Variants in MARK3 observed in about 807,000 individuals in gnomAD.
The protein encoded by MARK3 is microtubule affinity regulating kinase 3.
MARK3 carries 46 observed loss-of-function variants against 90.1 expected under a neutral mutation model. That is an observed-to-expected ratio of 0.51 (90% CI 0.40 to 0.65). The LOEUF is 0.65. MARK3 is among the 30% of genes least tolerant of loss of function. The pLI is 0.00. For synonymous variants in MARK3, 321 were observed against 332.6 expected, an observed-to-expected ratio of 0.97 and a Z score of 0.38; for missense variants, 818 against 947.2, an observed-to-expected ratio of 0.86 and a Z score of 1.79.
At chr14:103,387,837 A>G (rs2089930978) in intron 1 of MARK3, among the ~76,000 whole-genome samples, 1 of 152,194 alleles carries the variant, frequency 6.6e-6, no homozygotes, top group Admixed American at 6.5e-5. Context: ...GCAAAACCTT[A>G]CATTGAACCA....
In MARK3 at chr14:103,397,107, A is replaced by G. The variant is rs565218191; in HGVS notation, c.52-7969A>G. Among the ~76,000 whole-genome samples, 4 of 152,294 alleles carry G rather than the reference A, an allele frequency of 2.6e-5. No homozygotes were observed. In the South Asian group the frequency reaches 8.3e-4, roughly 32 times the overall value. ...GAGCTACTAGAAAATTGAAAATTAC[A>G]TATGTATGTCACATTATACACCTAT... On this transcript the variant is annotated intron_variant, in intron 1 of 17. Coordinates refer to ENST00000429436, the MANE Select transcript of MARK3 (RefSeq NM_001128918.3).
In MARK3 at chr14:103,503,270, T is replaced by G; in HGVS notation, c.*43T>G. On this transcript the variant is annotated 3_prime_UTR_variant, in exon 18 of 18. Coordinates refer to ENST00000429436, the MANE Select transcript of MARK3 (RefSeq NM_001128918.3). ...AAATTAAGTAGCAATTAAAGTGTTT[T>G]CCTGAACACTGATGGAAATGTATAG... The G allele has an allele frequency of 7.0e-7, 1 of 1,425,000 alleles. No individual in the cohort carries two copies. The highest frequency in any genetic ancestry group is 9.7e-7 in the Non-Finnish European group (1 of 1,026,858). The allele number at this position is 1,425,000 out of a possible 1,614,324, so 88.3% of individuals were successfully genotyped here.
At chr14:103,472,492 A>T (rs2093643805) in intron 12 of MARK3, among the ~76,000 whole-genome samples, 1 of 151,304 alleles carries the variant, frequency 6.6e-6, no homozygotes, top group South Asian at 2.1e-4. Context: ...AAATACAAAA[A>T]CAAAATCAGC....
Position 103,412,048 on chromosome 14 carries a change from T to C in MARK3, c.243+6781T>C, listed in dbSNP as rs1190270351. On this transcript the variant is annotated intron_variant, in intron 2 of 17. Coordinates refer to ENST00000429436, the MANE Select transcript of MARK3 (RefSeq NM_001128918.3). ...GCATGAAATTTTGATTAGATTAGTT[T>C]TCATGGGATTAGTTGGTTTTTTGTT... 5.7e-5 allele frequency: 23 copies of C among 401,004 alleles called. No individual in the cohort carries two copies. The Admixed American group carries it at 9.9e-4, about 17-fold the overall frequency. The allele number at this position is 401,004 out of a possible 1,614,324, so 24.8% of individuals were successfully genotyped here.
Position 103,502,985 on chromosome 14 carries a change from G to C in MARK3, c.2020G>C (p.Asp674His). The C allele has an allele frequency of 6.2e-7, 1 of 1,614,262 alleles. No homozygotes were observed. Among genetic ancestry groups the C allele is most frequent in the Non-Finnish European group, 8.5e-7 (1 of 1,180,054 alleles). ...AACCACTAGTTCAATGGATCCCGGG[G>C]ACATGATGCGGGAAATCCGCAAAGT... is the stretch of plus-strand genomic sequence containing the variant. ...MKTTSSMDPG[D>H]MMREIRKVLD... The change falls in exon 18 of 18, where the codon GAC (aspartate) becomes CAC (histidine). Residue 674 changes from aspartate (D) to histidine (H), a missense_variant. By Grantham distance (81) the Asp-to-His change is moderately conservative. Coordinates refer to ENST00000429436, the MANE Select transcript of MARK3 (RefSeq NM_001128918.3).
rs1417099335 is a variant in MARK3 at position 103,479,932 on chromosome 14, G to A, written c.1483-455G>A. 2.6e-5 allele frequency among the ~76,000 whole-genome samples: 4 copies of A among 152,056 alleles called. No homozygotes were observed. In the South Asian group the frequency reaches 8.3e-4, roughly 32 times the overall value. ...TGGGATTACAGGTGTGAGCTACCGC[G>A]CCCAGCCGTTGTATAGCTTTTTTAA... On this transcript the variant is annotated intron_variant, in intron 13 of 17. Coordinates refer to ENST00000429436, the MANE Select transcript of MARK3 (RefSeq NM_001128918.3).
At chr14:103,437,508 G>A (rs925512366) in intron 3 of MARK3, among the ~76,000 whole-genome samples, 7 of 152,202 alleles carry the variant, frequency 4.6e-5, no homozygotes, top group Admixed American at 3.3e-4. Flanking sequence ...AGACTCCTGG[G>A]TTCAAGCATC....
intron 2 of MARK3, chr14:103,412,217 G>T: frequency 1.1e-6 from 1 of 917,554 alleles, no homozygotes; most frequent in Non-Finnish European, 1.7e-6. Flanking sequence ...GAAGTTAACA[G>T]CCAGGTGAAT....
At chr14:103,464,172 C>A (rs1222406462) in intron 7 of MARK3, among the ~76,000 whole-genome samples, 1 of 152,090 alleles carries the variant, frequency 6.6e-6, no homozygotes, top group African/African-American at 2.4e-5. Context: ...AAACTGTGAG[C>A]TACTGAGGGT....
intron 13 of MARK3, among the ~76,000 whole-genome samples, chr14:103,477,982 G>C (rs2093743995): frequency 7.3e-6 from 1 of 136,346 alleles, no homozygotes; most frequent in African/African-American, 2.7e-5. Flanking sequence ...CTGGGCAACA[G>C]AGCAAGACCC....
rs1413117275 is a variant in MARK3 at position 103,503,685 on chromosome 14, T to C, written c.*458T>C. ...AAGACCAGTTCATAGTTAATACAGG[T>C]TTACAGTTCATGCCTGTGGTTTTGT... On this transcript the variant is annotated 3_prime_UTR_variant, in exon 18 of 18. Transcript: ENST00000429436. The C allele has an allele frequency of 6.3e-6, 1 of 157,668 alleles. No homozygotes were observed. The highest frequency in any genetic ancestry group is 1.4e-5 in the Non-Finnish European group (1 of 71,422). 9.8% of individuals were successfully genotyped at this position (157,668 alleles called of 1,614,324 possible). A position where few individuals can be genotyped will look rare whatever the true frequency, so the allele number is the denominator to read the frequency against.
At chr14:103,459,420 G>A (rs574574734) in intron 6 of MARK3, among the ~76,000 whole-genome samples, 2 of 152,106 alleles carry the variant, frequency 1.3e-5, no homozygotes, top group South Asian at 4.1e-4. Context: ...CATGGTATTT[G>A]CCTAAAACAG....
At chr14:103,390,344 G>A (rs1207225137) in intron 1 of MARK3, among the ~76,000 whole-genome samples, 1 of 152,188 alleles carries the variant, frequency 6.6e-6, no homozygotes, top group East Asian at 1.9e-4. Flanking sequence ...GGTGACAAAG[G>A]CTGCTAGTAA....
chr14:103,433,241 A>G (rs1595655155), intron 3 of MARK3, among the ~76,000 whole-genome samples: 1 of 151,776 alleles, frequency 6.6e-6, no homozygotes, highest in Non-Finnish European at 1.5e-5. Flanking sequence ...GTGTGCCACC[A>G]CGCCTGGCTA....
chr14:103,491,711 G>C, intron 14 of MARK3, 66 bp from the exon 15 acceptor site: 1 of 1,539,994 alleles, frequency 6.5e-7, no homozygotes, highest in Non-Finnish European at 8.8e-7. Context: ...GTGTATAAAA[G>C]GTATATTGTG....
At chr14:103,402,377 AC>A (rs1392710692) in intron 1 of MARK3, among the ~76,000 whole-genome samples, 1 of 152,030 alleles carries the variant, frequency 6.6e-6, no homozygotes, top group Non-Finnish European at 1.5e-5. Flanking sequence ...ACATAGTGAA[AC>A]CCTGTCTCTA....
intron 4 of MARK3, among the ~76,000 whole-genome samples, chr14:103,450,997 C>T (rs1295604781): frequency 7.6e-6 from 1 of 131,268 alleles, no homozygotes; most frequent in Non-Finnish European, 1.6e-5. Flanking sequence ...GTGGCATGAT[C>T]TCAGGTCACT....
intron 1 of MARK3, 33 bp from the exon 2 acceptor site, chr14:103,405,043 C>T: frequency 6.3e-7 from 1 of 1,576,528 alleles, no homozygotes; most frequent in African/African-American, 1.4e-5. Flanking sequence ...TGTGTTCTCT[C>T]ATTTCCTTAT....
chr14:103,500,219 A>G lies in MARK3; in HGVS notation c.1916+19A>G. On this transcript the variant is annotated intron_variant, in intron 17 of 17. Transcript: ENST00000429436. ...GCTCAAGGTGAGGGAAATGATTTTT[A>G]CTTAAAATTTTTTTCAGGTGTTTAC... 2 of 1,582,540 alleles carry G rather than the reference A, an allele frequency of 1.3e-6. No individual in the cohort carries two copies. The highest frequency in any genetic ancestry group is 1.7e-6 in the Non-Finnish European group (2 of 1,167,396).
Sources: gnomAD v4.1 joint callset for allele counts (sites outside exome capture counted in the v4.1 genomes callset) on GRCh38, gnomAD v4.1.1 for gene constraint, MANE v1.5 for transcripts, NCBI Gene and HGNC (gene_info 2026-07-23, HGNC 2026-07-21) for gene names.